The following TXK variants were observed in gnomAD, a reference collection of about 807,000 sequenced individuals.
TXK encodes tyrosine-protein kinase TXK.
TXK carries 60 observed loss-of-function variants against 81.0 expected under a neutral mutation model. The ratio of observed to expected loss-of-function variants is 0.74; its 90% CI spans 0.60 to 0.92. The LOEUF (loss-of-function observed/expected upper bound fraction) is 0.92. TXK is among the 40% of genes least tolerant of loss of function. The probability of loss-of-function intolerance (pLI) is 0.00; values close to 1 mark genes in which losing one functional copy is unlikely to be tolerated. For synonymous variants in TXK, 203 were observed against 210.7 expected (o/e 0.96, Z 0.32); for missense variants, 581 against 638.3 (o/e 0.91, Z 0.97).
In TXK at chr4:48,114,322, G is replaced by T. The variant is rs1341565279; in HGVS notation, c.71+26C>A. ...AGAAACGGAATTAATTAATTTTCAA[G>T]AAATTGCCCTCGGAAGTAGACTTAC... On this transcript the variant is annotated intron_variant, in intron 2 of 14. Coordinates refer to ENST00000264316, the MANE Select transcript of TXK (RefSeq NM_003328.3). The T allele has an allele frequency of 6.2e-6, 10 of 1,612,450 alleles. No individual in the cohort carries two copies. The Middle Eastern group carries it at 4.9e-4, about 80-fold the overall frequency.
chr4:48,091,118 A>T (rs576163226), intron 8 of TXK, among the ~76,000 whole-genome samples: 1 of 152,244 alleles, frequency 6.6e-6, no homozygotes, highest in Admixed American at 6.5e-5. Flanking sequence ...TGTGAAAGGA[A>T]TAAGTATTCT....
In TXK at chr4:48,071,582, T is replaced by C; in HGVS notation, c.1450A>G (p.Arg484Gly). The change falls in exon 14 of 15, where the codon AGG becomes GGG. Residue 484 changes from arginine (R) to glycine (G), a missense_variant. By Grantham distance (125) the Arg-to-Gly change is moderately radical. Coordinates refer to ENST00000264316, the MANE Select transcript of TXK (RefSeq NM_003328.3). ...QVVEAISEGF[R>G]LYRPHLAPMS... ...GGTGCCAGGTGAGGGCGATATAGCC[T>C]GAAGCCTTCAGAAATAGCTTCCACG... 6.2e-7 allele frequency: 1 copy of C among 1,614,204 alleles called. No homozygotes were observed. Among genetic ancestry groups the C allele is most frequent in the South Asian group, 1.1e-5 (1 of 91,088 alleles).
intron 10 of TXK, among the ~76,000 whole-genome samples, chr4:48,080,424 T>C (rs759497475): frequency 1.3e-5 from 2 of 152,190 alleles, no homozygotes; most frequent in Non-Finnish European, 2.9e-5. Context: ...TGTTTCTTCA[T>C]CACTGTTTAT....
At chr4:48,073,633 A>T (rs2109398424) in intron 13 of TXK, among the ~76,000 whole-genome samples, 1 of 152,320 alleles carries the variant, frequency 6.6e-6, no homozygotes, top group Non-Finnish European at 1.5e-5. Flanking sequence ...TTTTTCCTTC[A>T]AGCCTCTGCG....
intron 1 of TXK, among the ~76,000 whole-genome samples, chr4:48,114,742 C>G (rs893598489): frequency 6.6e-6 from 1 of 152,172 alleles, no homozygotes; most frequent in Non-Finnish European, 1.5e-5. Flanking sequence ...AAGTGATGCT[C>G]TCCTAGGAAA....
chr4:48,106,432 A>G (rs1718462124), intron 5 of TXK, among the ~76,000 whole-genome samples: 1 of 152,024 alleles, frequency 6.6e-6, no homozygotes. Flanking sequence ...CTCTTAGACA[A>G]CTCTTAGACC....
intron 1 of TXK, among the ~76,000 whole-genome samples, chr4:48,115,339 T>C (rs1381856023): frequency 6.6e-6 from 1 of 152,166 alleles, no homozygotes; most frequent in Middle Eastern, 3.2e-3. Flanking sequence ...CTGAGAATGA[T>C]GGCTTCCAGC....
chr4:48,074,017 T>C lies in TXK; in HGVS notation c.1275A>G (p.Gly425=), dbSNP rs768602029. The C allele has an allele frequency of 2.5e-6, 4 of 1,613,990 alleles. No individual in the cohort carries two copies. Among genetic ancestry groups the C allele is most frequent in the Non-Finnish European group, 3.4e-6 (4 of 1,179,910 alleles). ...VLDDEYVSSF[G]AKFPIKWSPP... ...GGGACCACTTGATTGGGAACTTGGC[T>C]CCAAAAGAACTGACATACTCATCAT... Residue 425 remains glycine (G), a synonymous_variant, in exon 13 of 15, where the codon GGA becomes GGG. Coordinates refer to ENST00000264316, the MANE Select transcript of TXK (RefSeq NM_003328.3).
chr4:48,084,041 A>G (rs1468009280), intron 10 of TXK, among the ~76,000 whole-genome samples: 1 of 152,194 alleles, frequency 6.6e-6, no homozygotes, highest in Non-Finnish European at 1.5e-5. Context: ...TATTTGCAAT[A>G]GAATGTTAGA....
At chr4:48,114,658 T>C in intron 1 of TXK, 1 of 482,568 alleles carries the variant, frequency 2.1e-6, no homozygotes, top group Non-Finnish European at 3.7e-6. Context: ...GAGTGATAAA[T>C]GACCAGTGTA....
rs756216057 is a variant in TXK at position 48,076,465 on chromosome 4, G to A, written c.1175C>T (p.Ala392Val). 14 of 1,607,306 alleles carry A rather than the reference G, an allele frequency of 8.7e-6. No homozygotes were observed. The highest frequency in any genetic ancestry group is 2.2e-5 in the East Asian group (1 of 44,718). ...TGAACTGACCAAACAATTCCTTGCCGCCTATGGAAAGAAGAAAAGAATCCA... is the reference window on the plus strand; with the variant it reads ...TGAACTGACCAAACAATTCCTTGCCACCTATGGAAAGAAGAAAAGAATCCA... ...ERNGYIHRDL[A>V]ARNCLVSSTC... Residue 392 changes from alanine (A) to valine (V), a missense_variant and splice_region_variant, in exon 12 of 15, where the codon GCG (alanine) becomes GTG (valine). Transcript: ENST00000264316.
intron 7 of TXK, 102 bp downstream of exon 7, chr4:48,095,040 GT>G (rs1717930155): frequency 3.0e-6 from 3 of 988,574 alleles, no homozygotes; most frequent in African/African-American, 1.6e-5. Flanking sequence ...TAACTTCCAG[GT>G]CAACAATCTT....
intron 7 of TXK, among the ~76,000 whole-genome samples, chr4:48,094,500 G>A (rs536301344): frequency 6.6e-6 from 1 of 152,282 alleles, no homozygotes; most frequent in South Asian, 2.1e-4. Context: ...ATCAAGTATT[G>A]GTTAAATGAA....
chr4:48,071,488 A>G (rs770222816), intron 14 of TXK, 29 bp downstream of exon 14: 3 of 1,593,700 alleles, frequency 1.9e-6, no homozygotes, highest in Non-Finnish European at 2.6e-6. Context: ...GGGACTGCCA[A>G]CCTTCATAGG....
chr4:48,132,753 C>G (rs1260507174), intron 1 of TXK, among the ~76,000 whole-genome samples: 1 of 151,994 alleles, frequency 6.6e-6, no homozygotes, highest in Admixed American at 6.6e-5. Context: ...TGAGACCAAC[C>G]TGGCCAACAT....
rs1280944374 is a variant in TXK at position 48,067,592 on chromosome 4, G to A, written c.*45C>T. On this transcript the variant is annotated 3_prime_UTR_variant, in exon 15 of 15. Transcript: ENST00000264316. The stretch of plus-strand genomic sequence containing the variant: ...TATGGTGAAGATATTCACAATAAAT[G>A]ACAGTTTTGCAAGATGACTCTTTGG... 8 of 1,581,902 alleles carry A rather than the reference G, an allele frequency of 5.1e-6. No individual in the cohort carries two copies. Among genetic ancestry groups the A allele is most frequent in the Non-Finnish European group, 6.1e-6 (7 of 1,150,638 alleles).
At position 48,066,797 on chromosome 4, in the gene TXK, A is replaced by G. The variant is rs1716620923; in HGVS notation, c.*840T>C. ...ATGGAGCTTGATGTCACATTTGGCT[A>G]TCTTGCTTTTGTCTCCTCTTCTGGA... On this transcript the variant is annotated 3_prime_UTR_variant, in exon 15 of 15. Transcript: ENST00000264316. The G allele has an allele frequency of 6.6e-6, 1 of 152,214 alleles. No individual in the cohort carries two copies. The highest frequency in any genetic ancestry group is 1.5e-5 in the Non-Finnish European group (1 of 68,030). The allele number at this position is 152,214 out of a possible 1,614,324, so 9.4% of individuals were successfully genotyped here. A position where few individuals can be genotyped will look rare whatever the true frequency, so the allele number is the denominator to read the frequency against.
Position 48,112,329 on chromosome 4 carries a change from A to C in TXK, c.358T>G (p.Trp120Gly), listed in dbSNP as rs1220463969. Residue 120 changes from tryptophan (W) to glycine (G), a missense_variant, in exon 4 of 15, where the codon TGG becomes GGG. By Grantham distance (184) the Trp-to-Gly change is radical. Transcript: ENST00000264316. The part of the protein sequence containing the change: ...LILEKYNPHW[W>G]KARDRLGNEG... ...TACCCCAAACGGTCTCTTGCCTTCC[A>C]CCAGTGAGGATTGTATTTCTCCAGT... is the stretch of plus-strand genomic sequence containing the variant. The C allele has an allele frequency of 1.9e-6, 3 of 1,614,160 alleles. No homozygotes were observed. Among genetic ancestry groups the C allele is most frequent in the South Asian group, 1.1e-5 (1 of 91,078 alleles).
chr4:48,126,429 T>C (rs1388126125), intron 1 of TXK, among the ~76,000 whole-genome samples: 1 of 152,244 alleles, frequency 6.6e-6, no homozygotes, highest in East Asian at 1.9e-4. Flanking sequence ...TGGTCAATGT[T>C]AGGCTATGAG....
Sources: gnomAD v4.1 joint callset for allele counts (sites outside exome capture counted in the v4.1 genomes callset) on GRCh38, gnomAD v4.1.1 for gene constraint, MANE v1.5 for transcripts, NCBI Gene and HGNC (gene_info 2026-07-23, HGNC 2026-07-21) for gene names.